Variants in KCNJ3 observed in about 807,000 individuals in gnomAD.
The protein encoded by KCNJ3 is potassium inwardly rectifying channel subfamily J member 3.
A neutral mutation model predicts 39.2 loss-of-function variants in KCNJ3; 4 were observed. The ratio of observed to expected loss-of-function variants is 0.10; its 90% CI spans 0.05 to 0.23. The LOEUF (loss-of-function observed/expected upper bound fraction) is 0.23, where lower values mean the gene tolerates loss of function less well. Ranked by LOEUF, KCNJ3 falls within the 10% of genes least tolerant of loss-of-function variation. The pLI is 1.00. For synonymous variants in KCNJ3, 230 were observed against 237.4 expected (o/e 0.97, Z 0.29); for missense variants, 276 against 634.9 (o/e 0.43, Z 6.08).
At chr2:154,722,130 A>ATTT (rs35965372) in intron 2 of KCNJ3, among the ~76,000 whole-genome samples, 3,280 of 148,784 alleles carry the variant, frequency 0.022, 121 homozygotes, top group East Asian at 0.16. Context: ...AACTACAAAG[A>ATTT]TTTTTTTTTT....
In KCNJ3 at chr2:154,699,516, G is replaced by A. The variant is rs1376243879; in HGVS notation, c.702+39G>A. The A allele has an allele frequency of 4.6e-6, 7 of 1,521,594 alleles. No individual in the cohort carries two copies. Among genetic ancestry groups the A allele is most frequent in the South Asian group, 3.7e-5 (3 of 81,482 alleles). The allele number at this position is 1,521,594 out of a possible 1,614,324, so 94.3% of individuals were successfully genotyped here. The stretch of plus-strand genomic sequence containing the variant: ...GCCCCTTCCCCACCGGGAGACCTGC[G>A]TCCCCCAAACCCGCGGAGTAACTCG... On this transcript the variant is annotated intron_variant, in intron 1 of 2. Transcript: ENST00000295101. This position sits in a 1 kb window ranked among gnomAD's most constrained non-coding sequence, Gnocchi z 6.4.
intron 2 of KCNJ3, among the ~76,000 whole-genome samples, chr2:154,762,203 A>T (rs189093212): frequency 6.6e-6 from 1 of 152,284 alleles, no homozygotes; most frequent in African/African-American, 2.4e-5. Context: ...GTTTGTGGCA[A>T]TTTTTTTACA....
intron 2 of KCNJ3, among the ~76,000 whole-genome samples, chr2:154,724,936 T>A: frequency 6.8e-6 from 1 of 147,102 alleles, no homozygotes; most frequent in South Asian, 2.1e-4. Flanking sequence ...TATATATATA[T>A]ACCTTTGATG....
Position 154,836,672 on chromosome 2 carries a change from A to G in KCNJ3, c.920-18055A>G, listed in dbSNP as rs150918627. Among the ~76,000 whole-genome samples the G allele has an allele frequency of 6.3e-3, 956 of 152,342 alleles. 6 individuals carry two copies. Among genetic ancestry groups the G allele is most frequent in the African/African-American group, 0.011 (465 of 41,588 alleles). ...CATTTTCGCAACCAAAATACAAAGCATTCCAAAATGTTTTCATAAAATTAT... is the reference window on the plus strand; with the variant it reads ...CATTTTCGCAACCAAAATACAAAGCGTTCCAAAATGTTTTCATAAAATTAT... On this transcript the variant is annotated intron_variant, in intron 2 of 2. Transcript: ENST00000295101.
At chr2:154,787,860 C>A (rs949258816) in intron 2 of KCNJ3, among the ~76,000 whole-genome samples, 3 of 151,988 alleles carry the variant, frequency 2.0e-5, no homozygotes, top group East Asian at 3.9e-4. Flanking sequence ...ATATAATTTA[C>A]TGGTGCTGTC....
chr2:154,856,432 C>G lies in KCNJ3; in HGVS notation c.*1119C>G, dbSNP rs1173640578. 2 of 152,490 alleles carry G rather than the reference C, an allele frequency of 1.3e-5. No homozygotes were observed. The highest frequency in any genetic ancestry group is 4.8e-5 in the African/African-American group (2 of 41,444). 9.4% of individuals were successfully genotyped at this position (152,490 alleles called of 1,614,324 possible). On this transcript the variant is annotated 3_prime_UTR_variant, in exon 3 of 3. Transcript: ENST00000295101. ...AAGAAGACATGACAATGCAATGAAA[C>G]AGATGATAAATATTTATGCTTAAAA...
intron 2 of KCNJ3, among the ~76,000 whole-genome samples, chr2:154,756,849 G>A (rs1467487283): frequency 2.0e-5 from 3 of 151,844 alleles, no homozygotes; most frequent in African/African-American, 4.8e-5. Flanking sequence ...TAGAAAAAAA[G>A]CAAATTTACA....
chr2:154,733,461 C>A (rs1685477532), intron 2 of KCNJ3, among the ~76,000 whole-genome samples: 1 of 152,024 alleles, frequency 6.6e-6, no homozygotes, highest in Non-Finnish European at 1.5e-5. Flanking sequence ...ATAAATTTAT[C>A]TTCCTGCATA....
chr2:154,795,308 ACT>A (rs1027748766), intron 2 of KCNJ3, among the ~76,000 whole-genome samples: 4 of 151,862 alleles, frequency 2.6e-5, no homozygotes, highest in Admixed American at 2.6e-4. Context: ...TGAAAGAATG[ACT>A]CTTTACTAGA....
intron 2 of KCNJ3, among the ~76,000 whole-genome samples, chr2:154,845,261 G>A (rs1406836821): frequency 1.3e-5 from 2 of 152,084 alleles, no homozygotes; most frequent in Admixed American, 1.3e-4. Context: ...TGGGATTAGA[G>A]ACATGTGCCA....
chr2:154,797,313 A>AT (rs751100039), intron 2 of KCNJ3, among the ~76,000 whole-genome samples: 35 of 152,264 alleles, frequency 2.3e-4, no homozygotes, highest in African/African-American at 7.2e-4. Context: ...TAGATAATAG[A>AT]TTTTTTGGAA....
intron 2 of KCNJ3, among the ~76,000 whole-genome samples, chr2:154,839,137 C>A (rs773363208): frequency 6.6e-6 from 1 of 152,124 alleles, no homozygotes; most frequent in Admixed American, 6.5e-5. Context: ...TGATGTTCCC[C>A]GCCTTGTGTC....
chr2:154,838,333 A>G (rs1687504758), intron 2 of KCNJ3, among the ~76,000 whole-genome samples: 1 of 152,174 alleles, frequency 6.6e-6, no homozygotes, highest in South Asian at 2.1e-4. Context: ...ACTAGCATGG[A>G]GGTGAAAAAG....
Position 154,699,463 on chromosome 2 carries a change from T to A in KCNJ3, c.688T>A (p.Cys230Ser). 6.3e-7 allele frequency: 1 copy of A among 1,592,682 alleles called. No homozygotes were observed. Among genetic ancestry groups the A allele is most frequent in the Non-Finnish European group, 8.5e-7 (1 of 1,175,714 alleles). Residue 230 changes from cysteine to serine, a missense_variant, in exon 1 of 3, where the codon TGC (cysteine) becomes AGC (serine). Physicochemically the swap from Cys to Ser is moderately radical, Grantham distance 112 (BLOSUM62 -1). Coordinates refer to ENST00000295101, the MANE Select transcript of KCNJ3 (RefSeq NM_002239.4). This position sits in a 1 kb window ranked among gnomAD's most constrained non-coding sequence, Gnocchi z 6.4. The part of the protein sequence containing the change: ...NSHMVSAQIR[C>S]KLLKSRQTPE... ...CCACATGGTCTCCGCGCAGATTCGC[T>A]GCAAGCTGCTCAAAGTAAGTGCTCC...
At chr2:154,834,783 T>C (rs1378502551) in intron 2 of KCNJ3, among the ~76,000 whole-genome samples, 6 of 152,032 alleles carry the variant, frequency 3.9e-5, no homozygotes, top group African/African-American at 1.2e-4. Flanking sequence ...TCTTTTACCA[T>C]AGAACCTAGC....
intron 2 of KCNJ3, among the ~76,000 whole-genome samples, chr2:154,771,928 T>C (rs764146039): frequency 6.6e-6 from 1 of 152,192 alleles, no homozygotes; most frequent in Non-Finnish European, 1.5e-5. Context: ...CCACGGTCAC[T>C]TGTTACTAAG....
rs866557536 is a variant in KCNJ3 at position 154,698,805 on chromosome 2, C to G, written c.30C>G (p.Asp10Glu). The G allele has an allele frequency of 6.2e-7, 1 of 1,610,972 alleles. No homozygotes were observed. Among genetic ancestry groups the G allele is most frequent in the Middle Eastern group, 1.7e-4 (1 of 6,048 alleles). The part of the protein sequence containing the change: MSALRRKFG[D>E]DYQVVTTSSS... Reference sequence around the variant, plus strand: ...CTGCACTCCGAAGGAAATTTGGGGACGATTATCAGGTAGTGACCACATCGT... The same window carrying G: ...CTGCACTCCGAAGGAAATTTGGGGAGGATTATCAGGTAGTGACCACATCGT... Residue 10 changes from aspartate (D) to glutamate (E), a missense_variant, in exon 1 of 3, where the codon GAC (aspartate) becomes GAG (glutamate). Around this residue, in one of 4 missense-constraint regions of KCNJ3, gnomAD observed 27 missense variants for 48.5 expected, o/e 0.56. Transcript: ENST00000295101.
chr2:154,707,849 C>A (rs1685039028), intron 1 of KCNJ3, among the ~76,000 whole-genome samples: 1 of 151,980 alleles, frequency 6.6e-6, no homozygotes, highest in African/African-American at 2.4e-5. Flanking sequence ...TGTTTTGTGT[C>A]CGGCATTTAT....
At chr2:154,841,273 A>AGG (rs1687571073) in intron 2 of KCNJ3, among the ~76,000 whole-genome samples, 1 of 151,672 alleles carries the variant, frequency 6.6e-6, no homozygotes, top group Non-Finnish European at 1.5e-5. Flanking sequence ...CTTGCATCCC[A>AGG]GATGAAGCTG....
Sources: allele counts gnomAD v4.1 joint callset (sites outside exome capture counted in the v4.1 genomes callset), GRCh38; gene constraint gnomAD v4.1.1; regional missense constraint gnomAD v4.1.1; non-coding constraint Gnocchi (gnomAD v3.1); transcripts MANE v1.5; gene names NCBI Gene and HGNC (gene_info 2026-07-23, HGNC 2026-07-21).